The following USP47 variants were observed in gnomAD, a reference collection of about 807,000 sequenced individuals.
The protein encoded by USP47 is ubiquitin specific peptidase 47.
A neutral mutation model predicts 165.1 loss-of-function variants in USP47; 35 were observed. The observed-to-expected ratio is 0.21, with a 90% CI of 0.16 to 0.28. USP47 has a LOEUF of 0.28. Among genes scored for constraint, USP47 ranks in the 10% least tolerant of loss-of-function variants. USP47 has a pLI of 1.00. For synonymous variants in USP47, 531 were observed against 544.5 expected (o/e 0.98, Z 0.35); for missense variants, 1,277 against 1,607.4 (o/e 0.79, Z 3.52).
intron 1 of USP47, among the ~76,000 whole-genome samples, chr11:11,850,037 C>T (rs957864043): frequency 2.6e-5 from 4 of 151,832 alleles, no homozygotes; most frequent in East Asian, 3.9e-4. Context: ...TTTCTCTTTG[C>T]GAGCTAGAGA....
chr11:11,948,436 C>T (rs765793207), intron 21 of USP47, 42 bp from the exon 22 acceptor site: 6 of 1,522,854 alleles, frequency 3.9e-6, no homozygotes, highest in Non-Finnish European at 5.5e-6. Flanking sequence ...GTTGTTTATT[C>T]TGCTGAGACA....
chr11:11,940,647 C>G lies in USP47; in HGVS notation c.2313+99C>G, dbSNP rs761564352. On this transcript the variant is annotated intron_variant, in intron 19 of 27. Coordinates refer to ENST00000527733, the MANE Select transcript of USP47 (RefSeq NM_001282659.2). ...CCTGGCCTCCACAGCTGTTCAACATCTGTCTGGAACTTAATTTAAAATTCT... is the reference window on the plus strand; with the variant it reads ...CCTGGCCTCCACAGCTGTTCAACATGTGTCTGGAACTTAATTTAAAATTCT... 6.6e-5 allele frequency: 84 copies of G among 1,276,862 alleles called. No homozygotes were observed. The East Asian group carries it at 1.8e-3, about 27-fold the overall frequency. The allele number at this position is 1,276,862 out of a possible 1,614,324, so 79.1% of individuals were successfully genotyped here.
chr11:11,927,824 C>G (rs1050179312), intron 11 of USP47, among the ~76,000 whole-genome samples: 13 of 151,996 alleles, frequency 8.6e-5, no homozygotes, highest in Admixed American at 7.9e-4. Flanking sequence ...TACAAATTAT[C>G]ATGCTACATT....
chr11:11,874,100 G>A (rs1166469088), intron 1 of USP47, among the ~76,000 whole-genome samples: 1 of 152,134 alleles, frequency 6.6e-6, no homozygotes, highest in Non-Finnish European at 1.5e-5. Flanking sequence ...CCTTTGTTAT[G>A]ATGTTGGGTA....
At chr11:11,885,967 G>T (rs997194261) in intron 3 of USP47, among the ~76,000 whole-genome samples, 1 of 152,218 alleles carries the variant, frequency 6.6e-6, no homozygotes, top group Non-Finnish European at 1.5e-5. Flanking sequence ...CTAGGGTCTG[G>T]AGTGGACCCC....
chr11:11,915,132 G>GA (rs1245277934), intron 8 of USP47, among the ~76,000 whole-genome samples: 10 of 152,264 alleles, frequency 6.6e-5, no homozygotes, highest in Non-Finnish European at 1.3e-4. Flanking sequence ...TACAAACCAT[G>GA]AAATAGTACT....
At chr11:11,859,212 G>T (rs796838546) in intron 1 of USP47, among the ~76,000 whole-genome samples, 5 of 152,240 alleles carry the variant, frequency 3.3e-5, no homozygotes, top group African/African-American at 1.2e-4. Flanking sequence ...GTTTTGCTAG[G>T]TACTGATAGA....
At chr11:11,925,399 G>A (rs4757270) in intron 11 of USP47, among the ~76,000 whole-genome samples, 3 of 151,970 alleles carry the variant, frequency 2.0e-5, no homozygotes, top group African/African-American at 4.8e-5. Context: ...CACCGCACCC[G>A]GCCTCCTTAA....
At chr11:11,906,002 A>G (rs1852536788) in intron 8 of USP47, among the ~76,000 whole-genome samples, 1 of 152,112 alleles carries the variant, frequency 6.6e-6, no homozygotes, top group African/African-American at 2.4e-5. Flanking sequence ...AAGCATCCCT[A>G]CTTTAAATAT....
intron 1 of USP47, among the ~76,000 whole-genome samples, chr11:11,853,165 C>T (rs529173318): frequency 6.6e-6 from 1 of 151,656 alleles, no homozygotes; most frequent in South Asian, 2.1e-4. Flanking sequence ...GGTGATAGCC[C>T]AAGTTAGAAA....
At chr11:11,871,535 A>AAAAAG (rs1850059703) in intron 1 of USP47, among the ~76,000 whole-genome samples, 1 of 102,818 alleles carries the variant, frequency 9.7e-6, no homozygotes, top group Non-Finnish European at 2.2e-5. Flanking sequence ...AAAAAAAAAA[A>AAAAAG]AAAGAATTCT....
At position 11,880,226 on chromosome 11, in the gene USP47, C is replaced by T. The variant is rs1220956079; in HGVS notation, c.89C>T (p.Thr30Ile). ...EPRVLCIIQD[T>I]TNSKTVNERI... ...AGAGTCTTATGTATTATACAAGATA[C>T]TACTAATTCAAAGACAGTGAATGAA... The change falls in exon 2 of 28, where the codon ACT (threonine) becomes ATT (isoleucine). Residue 30 changes from threonine to isoleucine, a missense_variant. Transcript: ENST00000527733. The T allele has an allele frequency of 7.5e-6, 11 of 1,465,386 alleles. No homozygotes were observed. Among genetic ancestry groups the T allele is most frequent in the Non-Finnish European group, 9.8e-6 (11 of 1,120,110 alleles). The allele number at this position is 1,465,386 out of a possible 1,614,324, so 90.8% of individuals were successfully genotyped here. A position where few individuals can be genotyped will look rare whatever the true frequency, so the allele number is the denominator to read the frequency against.
In USP47 at chr11:11,938,481, T is replaced by A. The variant is rs574272851; in HGVS notation, c.2193+109T>A. 3.3e-5 allele frequency: 25 copies of A among 767,412 alleles called. No individual in the cohort carries two copies. The African/African-American group carries it at 3.9e-4, about 12-fold the overall frequency. The allele number at this position is 767,412 out of a possible 1,614,324, so 47.5% of individuals were successfully genotyped here. A position where few individuals can be genotyped will look rare whatever the true frequency, so the allele number is the denominator to read the frequency against. Reference sequence around the variant, plus strand: ...ACATGCTTTACCTCCAGGAGCTAATTAATATTTGTAGTTAGGAGACAACTG... The same window carrying A: ...ACATGCTTTACCTCCAGGAGCTAATAAATATTTGTAGTTAGGAGACAACTG... On this transcript the variant is annotated intron_variant, in intron 18 of 27. Coordinates refer to ENST00000527733, the MANE Select transcript of USP47 (RefSeq NM_001282659.2).
intron 5 of USP47, among the ~76,000 whole-genome samples, chr11:11,900,361 C>T (rs765480379): frequency 1.7e-4 from 26 of 151,704 alleles, no homozygotes; most frequent in South Asian, 4.2e-4. Context: ...GGGGTTTCAC[C>T]GTGTTAGCCA....
chr11:11,922,630 G>T (rs538207778), intron 10 of USP47, 94 bp from the exon 11 acceptor site: 1 of 918,080 alleles, frequency 1.1e-6, no homozygotes, highest in African/African-American at 1.7e-5. Context: ...ATGTTAAATT[G>T]TGTGAAAATA....
chr11:11,854,077 G>A lies in USP47; in HGVS notation c.39+11853G>A, dbSNP rs147698223. Among the ~76,000 whole-genome samples, 32 of 145,036 alleles carry A rather than the reference G, an allele frequency of 2.2e-4. 1 individual carries two copies. The highest frequency in any genetic ancestry group is 7.4e-4 in the African/African-American group (30 of 40,596). ...GTGAACCCAGAAGGTGGAGCTTGCA[G>A]TGAACCGAGATCGCACCACTGCACT... On this transcript the variant is annotated intron_variant, in intron 1 of 27. Coordinates refer to ENST00000527733, the MANE Select transcript of USP47 (RefSeq NM_001282659.2).
intron 1 of USP47, among the ~76,000 whole-genome samples, chr11:11,849,374 T>TG (rs1349227724): frequency 1.3e-5 from 2 of 152,174 alleles, no homozygotes; most frequent in Non-Finnish European, 2.9e-5. Flanking sequence ...TTGGCAATGT[T>TG]GGGGGAGGGG....
intron 20 of USP47, chr11:11,943,342 A>G (rs976725495): frequency 1.2e-5 from 4 of 340,818 alleles, no homozygotes; most frequent in Non-Finnish European, 2.1e-5. Context: ...ATAGTATTCA[A>G]TGTTAGGAAG....
intron 22 of USP47, among the ~76,000 whole-genome samples, chr11:11,949,270 A>G (rs1401666150): frequency 6.6e-6 from 1 of 152,110 alleles, no homozygotes; most frequent in Non-Finnish European, 1.5e-5. Context: ...CAAAAGAATA[A>G]GGCAAAGATC....
Sources: gnomAD v4.1 joint callset for allele counts (sites outside exome capture counted in the v4.1 genomes callset) on GRCh38, gnomAD v4.1.1 for gene constraint, MANE v1.5 for transcripts, NCBI Gene and HGNC (gene_info 2026-07-23, HGNC 2026-07-21) for gene names.